The following LRRC3B variants were observed in gnomAD, a reference collection of about 807,000 sequenced individuals.
The protein encoded by LRRC3B is leucine-rich repeat-containing protein 3B.
A neutral mutation model predicts 12.8 loss-of-function variants in LRRC3B; 2 were observed. The observed-to-expected ratio is 0.16, with a 90% CI of 0.06 to 0.49. The LOEUF (loss-of-function observed/expected upper bound fraction) is 0.49, where lower values mean the gene tolerates loss of function less well. Among genes scored for constraint, LRRC3B ranks in the 20% least tolerant of loss-of-function variants. The probability of loss-of-function intolerance (pLI) is 0.96; values close to 1 mark genes in which losing one functional copy is unlikely to be tolerated. For missense variants in LRRC3B, 189 were observed against 319.4 expected, an observed-to-expected ratio of 0.59 and a Z score of 3.11; for synonymous variants, 132 against 122.0, an observed-to-expected ratio of 1.08 and a Z score of -0.54.
At chr3:26,685,523 C>CTCTCTCTATATATATATA (rs1200535225) in intron 1 of LRRC3B, among the ~76,000 whole-genome samples, 1 of 38,320 alleles carries the variant, frequency 2.6e-5, no homozygotes, top group African/African-American at 1.3e-4. Flanking sequence ...CTCTCTCTCT[C>CTCTCTCTATATATATATA]TATATATATA....
intron 1 of LRRC3B, among the ~76,000 whole-genome samples, chr3:26,685,515 CTCTCTCTCTATATATATATATATATA>C (rs1485776153): frequency 1.1e-4 from 6 of 53,780 alleles, no homozygotes; most frequent in African/African-American, 4.5e-4. Context: ...CTCTCTCTCT[CTCTCTCTCTATATATATATATATATA>C]TATATATATA....
chr3:26,646,958 C>T lies in LRRC3B; in HGVS notation c.-161+23721C>T, dbSNP rs1188496312. The stretch of plus-strand genomic sequence containing the variant: ...ATATGAGCCCCACATCTTCCTTCTC[C>T]ATCTTAATTCTTTTTACTCAAGTGC... On this transcript the variant is annotated intron_variant, in intron 1 of 1. Coordinates refer to ENST00000396641, the Ensembl canonical transcript of LRRC3B. 2.6e-5 allele frequency among the ~76,000 whole-genome samples: 4 copies of T among 152,086 alleles called. No individual in the cohort carries two copies. In the East Asian group the frequency reaches 7.7e-4, roughly 29 times the overall value.
chr3:26,663,672 G>C (rs1422507497), intron 1 of LRRC3B, among the ~76,000 whole-genome samples: 1 of 152,138 alleles, frequency 6.6e-6, no homozygotes, highest in Non-Finnish European at 1.5e-5. Flanking sequence ...CAGTGTGGCT[G>C]TTTTAGTCCT....
intron 1 of LRRC3B, among the ~76,000 whole-genome samples, chr3:26,630,834 T>G (rs923706812): frequency 1.2e-4 from 18 of 152,226 alleles, no homozygotes; most frequent in African/African-American, 3.9e-4. Flanking sequence ...ATAAAATTTA[T>G]CATTTCCCAC....
At chr3:26,651,765 C>A in intron 1 of LRRC3B, among the ~76,000 whole-genome samples, 1 of 152,164 alleles carries the variant, frequency 6.6e-6, no homozygotes, top group East Asian at 1.9e-4. Flanking sequence ...ATACAGTCCT[C>A]TTGAAGTAGA....
intron 1 of LRRC3B, among the ~76,000 whole-genome samples, chr3:26,671,636 G>A (rs185285626): frequency 5.3e-5 from 8 of 151,366 alleles, no homozygotes; most frequent in South Asian, 2.1e-4. Context: ...CTCATGGTCC[G>A]CCCGCCTTGG....
At chr3:26,649,396 A>C (rs564089404) in intron 1 of LRRC3B, among the ~76,000 whole-genome samples, 1 of 152,288 alleles carries the variant, frequency 6.6e-6, no homozygotes, top group South Asian at 2.1e-4. Context: ...TGGCTTATTT[A>C]GTTGAGAATA....
intron 1 of LRRC3B, among the ~76,000 whole-genome samples, chr3:26,707,775 TG>T (rs1700636798): frequency 5.0e-5 from 3 of 60,038 alleles, no homozygotes; most frequent in Non-Finnish European, 8.5e-5. Flanking sequence ...CTTCCACACC[TG>T]TTTTTTTTTT....
At chr3:26,666,783 C>T (rs1477818881) in intron 1 of LRRC3B, among the ~76,000 whole-genome samples, 1 of 152,102 alleles carries the variant, frequency 6.6e-6, no homozygotes, top group Non-Finnish European at 1.5e-5. Context: ...ATCCACATTA[C>T]ATTTAGTTGT....
intron 1 of LRRC3B, among the ~76,000 whole-genome samples, chr3:26,627,420 C>T (rs1698652564): frequency 6.6e-6 from 1 of 152,148 alleles, no homozygotes; most frequent in South Asian, 2.1e-4. Context: ...ATCTCTAATG[C>T]TGTGGCACAC....
At chr3:26,675,111 C>T (rs1350600988) in intron 1 of LRRC3B, among the ~76,000 whole-genome samples, 1 of 152,126 alleles carries the variant, frequency 6.6e-6, no homozygotes, top group East Asian at 1.9e-4. Context: ...AGTATGTCTT[C>T]CCGGTGTGGT....
intron 1 of LRRC3B, among the ~76,000 whole-genome samples, chr3:26,701,539 C>T (rs887250617): frequency 1.1e-4 from 16 of 152,110 alleles, no homozygotes; most frequent in African/African-American, 3.1e-4. Context: ...TCAAGATGCT[C>T]GCTCCTTGAA....
At chr3:26,690,200 T>G (rs1700161981) in intron 1 of LRRC3B, among the ~76,000 whole-genome samples, 1 of 152,210 alleles carries the variant, frequency 6.6e-6, no homozygotes, top group African/African-American at 2.4e-5. Flanking sequence ...GCCATAAAAT[T>G]TGTGACTTCA....
intron 1 of LRRC3B, among the ~76,000 whole-genome samples, chr3:26,668,406 G>A (rs1422075586): frequency 2.6e-5 from 4 of 152,126 alleles, no homozygotes; most frequent in African/African-American, 9.7e-5. Context: ...GGGATCCATT[G>A]AAGGACTTCA....
At chr3:26,685,519 CTCTCTATATA>C (rs1420758649) in intron 1 of LRRC3B, among the ~76,000 whole-genome samples, 198 of 47,702 alleles carry the variant, frequency 4.2e-3, no homozygotes, top group African/African-American at 0.01. Flanking sequence ...CTCTCTCTCT[CTCTCTATATA>C]TATATATATA....
At chr3:26,678,999 T>G (rs1324810597) in intron 1 of LRRC3B, among the ~76,000 whole-genome samples, 1 of 152,192 alleles carries the variant, frequency 6.6e-6, no homozygotes, top group African/African-American at 2.4e-5. Context: ...TACAAATGTA[T>G]TTGATGAGAA....
intron 1 of LRRC3B, among the ~76,000 whole-genome samples, chr3:26,663,738 G>A (rs939263619): frequency 2.0e-5 from 3 of 152,108 alleles, no homozygotes; most frequent in East Asian, 1.9e-4. Context: ...TATCACTCAA[G>A]CCAGAAATCT....
intron 1 of LRRC3B, among the ~76,000 whole-genome samples, chr3:26,690,347 T>C (rs1344085489): frequency 6.6e-6 from 1 of 152,210 alleles, no homozygotes; most frequent in Non-Finnish European, 1.5e-5. Flanking sequence ...GCATGGATTC[T>C]ACTGTCTTTA....
At chr3:26,636,336 A>G (rs578093200) in intron 1 of LRRC3B, among the ~76,000 whole-genome samples, 1 of 152,106 alleles carries the variant, frequency 6.6e-6, no homozygotes, top group Non-Finnish European at 1.5e-5. Flanking sequence ...ATTTTTTTTT[A>G]CAAAATGGTG....
Sources: gnomAD v4.1 joint callset for allele counts (sites outside exome capture counted in the v4.1 genomes callset) on GRCh38, gnomAD v4.1.1 for gene constraint, MANE v1.5 for transcripts, NCBI Gene and HGNC (gene_info 2026-07-23, HGNC 2026-07-21) for gene names.